The following ACOX3 variants were observed in gnomAD, a reference collection of about 807,000 sequenced individuals.
ACOX3 encodes peroxisomal acyl-coenzyme A oxidase 3.
Under a neutral mutation model 81.5 loss-of-function variants are expected in ACOX3, and 73 were observed. The ratio of observed to expected loss-of-function variants is 0.90; its 90% CI spans 0.74 to 1.09. ACOX3 has a LOEUF of 1.09. Among genes scored for constraint, ACOX3 ranks in the 50% least tolerant of loss-of-function variants. The pLI, the probability that ACOX3 is intolerant of heterozygous loss-of-function variation, is 0.00. For missense variants in ACOX3, 947 were observed against 928.0 expected (o/e 1.02, Z -0.27); for synonymous variants, 387 against 375.1 (o/e 1.03, Z -0.37).
At chr4:8,425,868 ATCGCAGACG>A (rs1723425298) in intron 1 of ACOX3, among the ~76,000 whole-genome samples, 1 of 152,150 alleles carries the variant, frequency 6.6e-6, no homozygotes, top group Non-Finnish European at 1.5e-5. Context: ...CCCAGCGAGT[ATCGCAGACG>A]TTACTTAGGC....
At chr4:8,362,239 A>G (rs1037032225), downstream of ACOX3, among the ~76,000 whole-genome samples, 5 of 152,244 alleles carry the variant, frequency 3.3e-5, 1 homozygote, top group Admixed American at 2.6e-4. Flanking sequence ...AATATCAAGC[A>G]AAACAGGAGT....
chr4:8,436,925 GAGTTTGCA>G (rs1182115618), intron 1 of ACOX3, among the ~76,000 whole-genome samples: 5 of 146,350 alleles, frequency 3.4e-5, no homozygotes, highest in African/African-American at 1.3e-4. Flanking sequence ...CTGGGAGGTG[GAGTTTGCA>G]GTGAGCCGAG....
intron 11 of ACOX3, among the ~76,000 whole-genome samples, chr4:8,391,039 GTATATGTATA>G (rs1560179471): frequency 1.3e-4 from 11 of 86,766 alleles, no homozygotes; most frequent in African/African-American, 6.2e-4. Context: ...ATGTGTATAT[GTATATGTATA>G]TGTATATGTA....
chr4:8,392,828 A>C (rs1290829288), intron 10 of ACOX3, among the ~76,000 whole-genome samples: 1 of 152,158 alleles, frequency 6.6e-6, no homozygotes, highest in Non-Finnish European at 1.5e-5. Context: ...TTTGCAGCGA[A>C]ACCATGAAGA....
chr4:8,408,089 T>C (rs1020560854), intron 6 of ACOX3, among the ~76,000 whole-genome samples: 2 of 152,190 alleles, frequency 1.3e-5, no homozygotes, highest in Non-Finnish European at 2.9e-5. Context: ...AATTTAGCTA[T>C]GTGCATGACC....
the ACOX3 span, chr4:8,358,224 A>G: frequency 6.6e-6 from 1 of 152,278 alleles, no homozygotes; most frequent in East Asian, 1.9e-4. Context: ...TTCTGCAGAG[A>G]ATCTGCTTCC....
Position 8,397,106 on chromosome 4 carries a change from C to G in ACOX3, c.887G>C (p.Arg296Pro). 1 of 1,558,522 alleles carries G rather than the reference C, an allele frequency of 6.4e-7. No homozygotes were observed. Among genetic ancestry groups the G allele is most frequent in the Non-Finnish European group, 8.7e-7 (1 of 1,155,806 alleles). ...YVSPFKDVRQRFGASLGSLSS... is the reference protein window; with the variant it reads ...YVSPFKDVRQPFGASLGSLSS... ...CAGGCTCCCCAGGGACGCTCCAAAG[C>G]GCTGCCTGACGTCCTACGGGAGGGA... The change falls in exon 9 of 18, where the codon CGC (arginine) becomes CCC (proline). Residue 296 changes from arginine to proline, a missense_variant. By Grantham distance (103) the Arg-to-Pro change is moderately radical. Coordinates refer to ENST00000356406, the MANE Select transcript of ACOX3 (RefSeq NM_003501.3).
Position 8,414,941 on chromosome 4 carries a change from C to T in ACOX3, c.379-13G>A. The T allele has an allele frequency of 6.2e-7, 1 of 1,613,794 alleles. No individual in the cohort carries two copies. Reference sequence around the variant, plus strand: ...CTGATCCAAAAACCTGAAAGTATAACATCGTCCTATCAACAGGGGGCAGGT... The same window carrying T: ...CTGATCCAAAAACCTGAAAGTATAATATCGTCCTATCAACAGGGGGCAGGT... On this transcript the variant is annotated splice_polypyrimidine_tract_variant and intron_variant, in intron 3 of 17. Coordinates refer to ENST00000356406, the MANE Select transcript of ACOX3 (RefSeq NM_003501.3). The surrounding 1 kb of genome is among the most constrained non-coding windows in gnomAD (Gnocchi z 6.1).
rs778253388 is a variant in ACOX3 at position 8,381,618 on chromosome 4, A to G, written c.1538-11T>C. 9 of 1,595,160 alleles carry G rather than the reference A, an allele frequency of 5.6e-6. No individual in the cohort carries two copies. Among genetic ancestry groups the G allele is most frequent in the Non-Finnish European group, 6.9e-6 (8 of 1,163,868 alleles). ...ATGCTGCCAGGGCGACTTCGGAATG[A>G]CAAACAGAAGGAGAAAAAGTAACAA... is the stretch of plus-strand genomic sequence containing the variant. On this transcript the variant is annotated splice_polypyrimidine_tract_variant and intron_variant, in intron 13 of 17. Coordinates refer to ENST00000356406, the MANE Select transcript of ACOX3 (RefSeq NM_003501.3). This position sits in a 1 kb window ranked among gnomAD's most constrained non-coding sequence, Gnocchi z 4.3.
the ACOX3 span, among the ~76,000 whole-genome samples, chr4:8,359,518 T>G: frequency 6.6e-6 from 1 of 152,190 alleles, no homozygotes; most frequent in Non-Finnish European, 1.5e-5. The surrounding 1 kb of genome is among the most constrained non-coding windows in gnomAD (Gnocchi z 6.0). Flanking sequence ...TTTGGCACTA[T>G]GGGATGTTAA....
rs1722645559 is a variant in ACOX3 at position 8,419,031 on chromosome 4, G to T, written c.-14-2496C>A. ...AAAATACTAAATGCCGGCTATAGTG[G>T]CACGTGCCTGTGGTCCCAGCTACTC... On this transcript the variant is annotated intron_variant, in intron 1 of 17. Coordinates refer to ENST00000356406, the MANE Select transcript of ACOX3 (RefSeq NM_003501.3). The surrounding 1 kb of genome is among the most constrained non-coding windows in gnomAD (Gnocchi z 4.2). 6.6e-6 allele frequency among the ~76,000 whole-genome samples: 1 copy of T among 152,050 alleles called. No homozygotes were observed. The highest frequency in any genetic ancestry group is 6.6e-5 in the Admixed American group (1 of 15,266).
chr4:8,413,091 C>T (rs1321836001), intron 5 of ACOX3, among the ~76,000 whole-genome samples: 1 of 137,596 alleles, frequency 7.3e-6, no homozygotes. Context: ...GCACTGACAG[C>T]CCCAGGGCAT....
rs1318698741 is a variant in ACOX3, at chr4:8,389,717, G to A, written c.1318C>T (p.Leu440Phe). ...GYLAMNRLGV[L>F]RDDNDPNCTY... Reference sequence around the variant, plus strand: ...CAGTTGGGATCGTTGTCATCTCTAAGGACACCCAACCGGTTCACTGCAACA... The same window carrying A: ...CAGTTGGGATCGTTGTCATCTCTAAAGACACCCAACCGGTTCACTGCAACA... The change falls in exon 12 of 18, where the codon CTT (leucine) becomes TTT (phenylalanine). Residue 440 changes from leucine (L) to phenylalanine (F), a missense_variant. Coordinates refer to ENST00000356406, the MANE Select transcript of ACOX3 (RefSeq NM_003501.3). This position sits in a 1 kb window ranked among gnomAD's most constrained non-coding sequence, Gnocchi z 5.3. 1 of 1,613,952 alleles carries A rather than the reference G, an allele frequency of 6.2e-7. No individual in the cohort carries two copies. The highest frequency in any genetic ancestry group is 2.2e-5 in the East Asian group (1 of 44,884).
rs570516848 is a variant in ACOX3, at chr4:8,432,543, T to C, written c.-15+8105A>G. On this transcript the variant is annotated intron_variant, in intron 1 of 17. Coordinates refer to ENST00000356406, the MANE Select transcript of ACOX3 (RefSeq NM_003501.3). This position sits in a 1 kb window ranked among gnomAD's most constrained non-coding sequence, Gnocchi z 6.2. ...CCACCGCGCCCGGCCTGATTTTTTT[T>C]TTTAATTATAAACCCAACATATTGA... 7.9e-5 allele frequency among the ~76,000 whole-genome samples: 12 copies of C among 152,308 alleles called. No individual in the cohort carries two copies. The South Asian group carries it at 2.3e-3, about 29-fold the overall frequency.
rs375335646 is a variant in ACOX3, at chr4:8,410,794, C to T, written c.544-439G>A. Among the ~76,000 whole-genome samples the T allele has an allele frequency of 9.8e-5, 15 of 152,310 alleles. No homozygotes were observed. The South Asian group carries it at 3.1e-3, about 32-fold the overall frequency. On this transcript the variant is annotated intron_variant, in intron 5 of 17. Transcript: ENST00000356406. ...CTCTAATTCACAACACACTGCTGCC[C>T]CCTTGCTGTCTCTCCCATCCACAGC... is the stretch of plus-strand genomic sequence containing the variant.
At position 8,399,864 on chromosome 4, in the gene ACOX3, C is replaced by T. The variant is rs1720167530; in HGVS notation, c.777-212G>A. Among the ~76,000 whole-genome samples the T allele has an allele frequency of 6.6e-6, 1 of 152,180 alleles. No homozygotes were observed. The highest frequency in any genetic ancestry group is 2.4e-5 in the African/African-American group (1 of 41,440). ...CCCAGAATCCCAACTCTTTGGAAGA[C>T]TGAGGCAGGAGGATTGCTTGAGCCC... is the stretch of plus-strand genomic sequence containing the variant. On this transcript the variant is annotated intron_variant, in intron 7 of 17. Coordinates refer to ENST00000356406, the MANE Select transcript of ACOX3 (RefSeq NM_003501.3). The surrounding 1 kb of genome is among the most constrained non-coding windows in gnomAD (Gnocchi z 4.9).
chr4:8,438,321 T>A (rs1173733626), intron 1 of ACOX3, among the ~76,000 whole-genome samples: 1 of 152,176 alleles, frequency 6.6e-6, no homozygotes, highest in African/African-American at 2.4e-5. Flanking sequence ...AAATGGAAGT[T>A]ACACACAGCC....
chr4:8,394,714 G>A lies in ACOX3; in HGVS notation c.1085C>T (p.Ala362Val). 1 of 1,613,742 alleles carries A rather than the reference G, an allele frequency of 6.2e-7. No homozygotes were observed. Among genetic ancestry groups the A allele is most frequent in the Non-Finnish European group, 8.5e-7 (1 of 1,179,886 alleles). Residue 362 changes from alanine (A) to valine (V), a missense_variant, in exon 10 of 18, where the codon GCT (alanine) becomes GTT (valine). Ala to Val is a moderately conservative substitution (Grantham distance 64). Transcript: ENST00000356406. This position sits in a 1 kb window ranked among gnomAD's most constrained non-coding sequence, Gnocchi z 5.9. The part of the protein sequence containing the change: ...QQWRLLPYLA[A>V]VYALDHFSKS... The stretch of plus-strand genomic sequence containing the variant: ...GGAGAAATGGTCTAAGGCGTAGACA[G>A]CTGCCAGATATGGAAGCAAGCGCCA...
intron 13 of ACOX3, among the ~76,000 whole-genome samples, chr4:8,383,129 C>T (rs1717902988): frequency 6.6e-6 from 1 of 152,262 alleles, no homozygotes; most frequent in Non-Finnish European, 1.5e-5. Context: ...AGGCCGTTTC[C>T]CAGGCTCACA....
Sources: allele counts gnomAD v4.1 joint callset (sites outside exome capture counted in the v4.1 genomes callset), GRCh38; gene constraint gnomAD v4.1.1; non-coding constraint Gnocchi (gnomAD v3.1); transcripts MANE v1.5; gene names NCBI Gene and HGNC (gene_info 2026-07-23, HGNC 2026-07-21).